MAU2: variants seen among roughly 807,000 people sequenced by gnomAD.
The protein encoded by MAU2 is MAU2 sister chromatid cohesion factor.
MAU2 carries 9 observed loss-of-function variants against 89.1 expected under a neutral mutation model. That is an observed-to-expected ratio of 0.10 (90% CI 0.06 to 0.18). The LOEUF is 0.18. Among genes scored for constraint, MAU2 ranks in the 10% least tolerant of loss-of-function variants. The pLI is 1.00. For missense variants in MAU2, 425 were observed against 803.5 expected (o/e 0.53, Z 5.69); for synonymous variants, 357 against 343.4 (o/e 1.04, Z -0.44).
At chr19:19,336,274 A>C (rs2061595911) in intron 3 of MAU2, 87 bp downstream of exon 3, 4 of 976,608 alleles carry the variant, frequency 4.1e-6, no homozygotes, top group Non-Finnish European at 6.4e-6. Flanking sequence ...GGGTTCCGGG[A>C]GTTGGAATCC....
rs1371274222 is a variant in MAU2, at chr19:19,335,010, G to A, written c.277-708G>A. 3.3e-5 allele frequency among the ~76,000 whole-genome samples: 5 copies of A among 152,306 alleles called. 1 individual carries two copies. The South Asian group carries it at 8.3e-4, about 25-fold the overall frequency. ...TTAGGCTTGTGTGCTTGGGACCCTGGGTGGTCTGATGGGCTGTGGTCAGTG... is the reference window on the plus strand; with the variant it reads ...TTAGGCTTGTGTGCTTGGGACCCTGAGTGGTCTGATGGGCTGTGGTCAGTG... On this transcript the variant is annotated intron_variant, in intron 1 of 18. Coordinates refer to ENST00000262815, the MANE Select transcript of MAU2 (RefSeq NM_015329.4).
intron 1 of MAU2, among the ~76,000 whole-genome samples, chr19:19,326,702 GTATATATATATATATATACA>G (rs2061508430): frequency 1.0e-4 from 5 of 49,200 alleles, no homozygotes; most frequent in Admixed American, 4.6e-4. Context: ...ATATATATAT[GTATATATATATATATATACA>G]TATATATATA....
intron 16 of MAU2, chr19:19,352,488 AC>A (rs952707724): frequency 6.6e-6 from 1 of 152,240 alleles, no homozygotes; most frequent in African/African-American, 2.4e-5. Context: ...CCCCGTCAAA[AC>A]CTGTAGCTGG....
In MAU2 at chr19:19,320,912, A is replaced by G. The variant is rs1042266222; in HGVS notation, c.53A>G (p.Gln18Arg). The G allele has an allele frequency of 1.3e-6, 2 of 1,552,898 alleles. No homozygotes were observed. Among genetic ancestry groups the G allele is most frequent in the Non-Finnish European group, 1.7e-6 (2 of 1,150,220 alleles). ...CAGGCGGCGGCGGCCCAGGCTGCGCAGGCCGAGGCGGCCGACTCGTGGTAC... is the reference window on the plus strand; with the variant it reads ...CAGGCGGCGGCGGCCCAGGCTGCGCGGGCCGAGGCGGCCGACTCGTGGTAC... Reference protein sequence around the residue: ...AAQAAAAQAAQAEAADSWYLA... With the variant: ...AAQAAAAQAARAEAADSWYLA... Residue 18 changes from glutamine to arginine, a missense_variant, in exon 1 of 19, where the codon CAG (glutamine) becomes CGG (arginine). Physicochemically the swap from Gln to Arg is conservative, Grantham distance 43. This residue lies in a region of MAU2 where 61 missense variants were observed against 40.1 expected (regional missense o/e 1.52). Coordinates refer to ENST00000262815, the MANE Select transcript of MAU2 (RefSeq NM_015329.4).
In MAU2 at chr19:19,355,308, G is replaced by T; in HGVS notation, c.1684G>T (p.Ala562Ser). The change falls in exon 18 of 19, where the codon GCC (alanine) becomes TCC (serine). Residue 562 changes from alanine to serine, a missense_variant. Physicochemically the swap from Ala to Ser is moderately conservative, Grantham distance 99. Around this residue, in one of 11 missense-constraint regions of MAU2, gnomAD observed 33 missense variants for 94.1 expected, o/e 0.35. Coordinates refer to ENST00000262815, the MANE Select transcript of MAU2 (RefSeq NM_015329.4). ...GAACGCCATGGATGCCCATGAAGCC[G>T]CCCAGATGCACCAGAACTTCTCGCA... is the stretch of plus-strand genomic sequence containing the variant. ...CGNAMDAHEAAQMHQNFSQQL... is the reference protein window; with the variant it reads ...CGNAMDAHEASQMHQNFSQQL... 1.2e-6 allele frequency: 2 copies of T among 1,614,086 alleles called. No homozygotes were observed. The highest frequency in any genetic ancestry group is 1.7e-5 in the Admixed American group (1 of 60,024).
intron 1 of MAU2, among the ~76,000 whole-genome samples, chr19:19,326,550 G>A (rs2061505131): frequency 1.3e-5 from 2 of 151,452 alleles, no homozygotes; most frequent in Non-Finnish European, 2.9e-5. Flanking sequence ...GCCAGGCGTG[G>A]TGGCGGGCGC....
chr19:19,349,078 C>T lies in MAU2; in HGVS notation c.1359-77C>T, dbSNP rs963916030. On this transcript the variant is annotated intron_variant, in intron 14 of 18. Transcript: ENST00000262815. ...TGCAGTGGGGGCTCTCAGAAATAGC[C>T]CCCAGCTGCCCACTGCCGTTTTGTA... The T allele has an allele frequency of 3.8e-6, 6 of 1,575,966 alleles. No homozygotes were observed. In the East Asian group the frequency reaches 1.1e-4, roughly 30 times the overall value.
chr19:19,352,466 G>A (rs1321719538), intron 16 of MAU2: 1 of 152,256 alleles, frequency 6.6e-6, no homozygotes, highest in Non-Finnish European at 1.5e-5. Context: ...CTCAGCACTG[G>A]GGATGCCACT....
chr19:19,334,978 G>A (rs2061584910), intron 1 of MAU2, among the ~76,000 whole-genome samples: 1 of 152,228 alleles, frequency 6.6e-6, no homozygotes, highest in Non-Finnish European at 1.5e-5. Flanking sequence ...AGTCGCTGGG[G>A]ACAGCGTTAG....
chr19:19,343,137 A>G (rs535183002), intron 9 of MAU2, among the ~76,000 whole-genome samples: 7 of 152,254 alleles, frequency 4.6e-5, no homozygotes, highest in Middle Eastern at 3.4e-3. Flanking sequence ...GCTTTTCCCA[A>G]TTATTATCAG....
rs1389824600 is a variant in MAU2, at chr19:19,345,973, A to T, written c.1221+604A>T. On this transcript the variant is annotated intron_variant, in intron 12 of 18. Transcript: ENST00000262815. This position sits in a 1 kb window ranked among gnomAD's most constrained non-coding sequence, Gnocchi z 4.9. The stretch of plus-strand genomic sequence containing the variant: ...CTCACAGGAAATGGAGGCTGTGGAC[A>T]CCTTTTTCCTGGTGGTGCCAGGAAG... 6.6e-6 allele frequency among the ~76,000 whole-genome samples: 1 copy of T among 152,018 alleles called. No individual in the cohort carries two copies. Among genetic ancestry groups the T allele is most frequent in the Non-Finnish European group, 1.5e-5 (1 of 67,982 alleles).
At chr19:19,336,006 G>A (rs2061593534) in intron 2 of MAU2, 116 bp from the exon 3 acceptor site, 1 of 784,832 alleles carries the variant, frequency 1.3e-6, no homozygotes, top group Non-Finnish European at 2.2e-6. Flanking sequence ...GGAATTTCAG[G>A]GCAGGCAGGG....
rs1323776314 is a variant in MAU2 at position 19,355,985 on chromosome 19, G to A, written c.*203G>A. ...CTCGCAGCAGGACCCCCAGTGCAGAGGCTCACAGGTGGCACACAGGCGCTG... is the reference window on the plus strand; with the variant it reads ...CTCGCAGCAGGACCCCCAGTGCAGAAGCTCACAGGTGGCACACAGGCGCTG... On this transcript the variant is annotated 3_prime_UTR_variant, in exon 19 of 19. Transcript: ENST00000262815. 3 of 686,290 alleles carry A rather than the reference G, an allele frequency of 4.4e-6. No individual in the cohort carries two copies. The highest frequency in any genetic ancestry group is 1.5e-5 in the South Asian group (1 of 66,696). 42.5% of individuals were successfully genotyped at this position (686,290 alleles called of 1,614,324 possible).
At chr19:19,321,466 C>T (rs902815798) in intron 1 of MAU2, 5 of 270,038 alleles carry the variant, frequency 1.9e-5, no homozygotes, top group East Asian at 8.5e-5. Flanking sequence ...CTGTTGGTGG[C>T]GATGGGGACA....
rs2146716176 is a variant in MAU2, at chr19:19,355,812, G to A, written c.*30G>A. The A allele has an allele frequency of 6.3e-7, 1 of 1,589,292 alleles. No individual in the cohort carries two copies. The highest frequency in any genetic ancestry group is 1.3e-5 in the African/African-American group (1 of 74,794). Reference sequence around the variant, plus strand: ...TTGATGGGGCCATCCAGCTCCGCAGGGCCTGCGCGTCTCCGGCTTCCACCC... The same window carrying A: ...TTGATGGGGCCATCCAGCTCCGCAGAGCCTGCGCGTCTCCGGCTTCCACCC... On this transcript the variant is annotated 3_prime_UTR_variant, in exon 19 of 19. Transcript: ENST00000262815.
rs1238611190 is a variant in MAU2 at position 19,351,874 on chromosome 19, A to T, written c.1548+2438A>T. Among the ~76,000 whole-genome samples the T allele has an allele frequency of 6.6e-5, 7 of 106,496 alleles. No homozygotes were observed. In the Admixed American group the frequency reaches 7.0e-4, roughly 11 times the overall value. 69.9% of individuals were successfully genotyped at this position (106,496 alleles called of 152,430 possible). A position where few individuals can be genotyped will look rare whatever the true frequency, so the allele number is the denominator to read the frequency against. On this transcript the variant is annotated intron_variant, in intron 16 of 18. Coordinates refer to ENST00000262815, the MANE Select transcript of MAU2 (RefSeq NM_015329.4). Reference sequence around the variant, plus strand: ...TTTTTTTTTTTTTTTTTTGAGATGAAGTCTTGCTCTCTTGCCCAGGCTGGA... The same window carrying T: ...TTTTTTTTTTTTTTTTTTGAGATGATGTCTTGCTCTCTTGCCCAGGCTGGA...
intron 7 of MAU2, among the ~76,000 whole-genome samples, 166 bp from the exon 8 acceptor site, chr19:19,342,369 G>C (rs1265740316): frequency 6.6e-6 from 1 of 152,194 alleles, no homozygotes; most frequent in Non-Finnish European, 1.5e-5. Flanking sequence ...CAAAAGCCTG[G>C]CTGATTCATG....
intron 10 of MAU2, 137 bp from the exon 11 acceptor site, chr19:19,344,712 G>A (rs1035337654): frequency 1.5e-5 from 10 of 680,486 alleles, no homozygotes; most frequent in African/African-American, 3.5e-5. Context: ...TGGTGGACGT[G>A]TCTGCTGGGG....
chr19:19,332,497 C>G lies in MAU2; in HGVS notation c.277-3221C>G, dbSNP rs1184850310. Among the ~76,000 whole-genome samples the G allele has an allele frequency of 5.9e-5, 9 of 152,222 alleles. No individual in the cohort carries two copies. The East Asian group carries it at 1.7e-3, about 29-fold the overall frequency. On this transcript the variant is annotated intron_variant, in intron 1 of 18. Transcript: ENST00000262815. ...TAAAAAGCGCTAGGATGTAATTTCTCCAGTGCCTTAGAGCATCGCTAACTC... is the reference window on the plus strand; with the variant it reads ...TAAAAAGCGCTAGGATGTAATTTCTGCAGTGCCTTAGAGCATCGCTAACTC...
Sources: gnomAD v4.1 joint callset for allele counts (sites outside exome capture counted in the v4.1 genomes callset) on GRCh38, gnomAD v4.1.1 for gene constraint, gnomAD v4.1.1 regional missense constraint, Gnocchi (gnomAD v3.1) non-coding constraint, MANE v1.5 for transcripts, NCBI Gene and HGNC (gene_info 2026-07-23, HGNC 2026-07-21) for gene names.